CEMIP: variants seen among roughly 807,000 people sequenced by gnomAD.
The protein encoded by CEMIP is cell migration inducing hyaluronidase 1.
Under a neutral mutation model 156.9 loss-of-function variants are expected in CEMIP, and 105 were observed. The ratio of observed to expected loss-of-function variants is 0.67; its 90% CI spans 0.57 to 0.79. The LOEUF is 0.79. Among genes scored for constraint, CEMIP ranks in the 30% least tolerant of loss-of-function variants. The pLI is 0.00. For missense variants in CEMIP, 1,457 were observed against 1,769.4 expected, an observed-to-expected ratio of 0.82 and a Z score of 3.17; for synonymous variants, 676 against 668.4, an observed-to-expected ratio of 1.01 and a Z score of -0.17.
chr15:80,808,101 A>G (rs771835511), intron 1 of CEMIP, among the ~76,000 whole-genome samples: 1 of 152,232 alleles, frequency 6.6e-6, no homozygotes, highest in Non-Finnish European at 1.5e-5. Flanking sequence ...CACTCTTAGT[A>G]ACCCTTTGAA....
At chr15:80,876,357 C>G (rs1333211194) in intron 3 of CEMIP, among the ~76,000 whole-genome samples, 1 of 152,184 alleles carries the variant, frequency 6.6e-6, no homozygotes, top group African/African-American at 2.4e-5. Flanking sequence ...CGCAGAGAGC[C>G]CACCCCACCA....
intron 1 of CEMIP, among the ~76,000 whole-genome samples, chr15:80,865,580 C>T (rs1252143694): frequency 2.6e-5 from 4 of 151,924 alleles, no homozygotes; most frequent in African/African-American, 7.3e-5. Context: ...GCAGCCATGT[C>T]CAGCCCTTTG....
chr15:80,932,004 A>T lies in CEMIP; in HGVS notation c.2758A>T (p.Asn920Tyr). The T allele has an allele frequency of 1.2e-6, 2 of 1,614,070 alleles. No homozygotes were observed. Among genetic ancestry groups the T allele is most frequent in the Non-Finnish European group, 1.7e-6 (2 of 1,180,020 alleles). The change falls in exon 22 of 30, where the codon AAC becomes TAC. Residue 920 changes from asparagine (N) to tyrosine (Y), a missense_variant. By Grantham distance (143) the Asn-to-Tyr change is moderately radical. This residue lies in a region of CEMIP where 798 missense variants were observed against 980.1 expected (regional missense o/e 0.81). Transcript: ENST00000394685. The surrounding 1 kb of genome is among the most constrained non-coding windows in gnomAD (Gnocchi z 4.5). ...TAATGCCTGGCAGAGCTGCCCCCAT[A>T]ACAACGTGACCGGCATTGCCTTTGA... is the stretch of plus-strand genomic sequence containing the variant. ...LNNAWQSCPH[N>Y]NVTGIAFEDV...
At chr15:80,934,740 A>C (rs1380772570) in intron 23 of CEMIP, among the ~76,000 whole-genome samples, 1 of 152,150 alleles carries the variant, frequency 6.6e-6, no homozygotes, top group Non-Finnish European at 1.5e-5. Flanking sequence ...AAGAGGGCAC[A>C]GGGTGCAGCT....
chr15:80,804,742 C>T (rs1429398574), intron 1 of CEMIP, among the ~76,000 whole-genome samples: 1 of 152,168 alleles, frequency 6.6e-6, no homozygotes, highest in Non-Finnish European at 1.5e-5. Flanking sequence ...TCACAGCAAA[C>T]TCATCTTCTT....
chr15:80,833,070 T>C (rs1476271393), intron 1 of CEMIP, among the ~76,000 whole-genome samples: 1 of 152,226 alleles, frequency 6.6e-6, no homozygotes, highest in East Asian at 1.9e-4. Flanking sequence ...GAAGTTACAC[T>C]TCTGCTCCAT....
chr15:80,946,861 A>G, intron 28 of CEMIP, 104 bp from the exon 29 acceptor site: 1 of 763,138 alleles, frequency 1.3e-6, no homozygotes, highest in South Asian at 1.5e-5. Context: ...GCCTCTGGGC[A>G]CTGCTAACTC....
chr15:80,788,841 G>A (rs577978482), intron 1 of CEMIP, among the ~76,000 whole-genome samples: 17 of 151,944 alleles, frequency 1.1e-4, no homozygotes, highest in African/African-American at 3.9e-4. Context: ...CCATGCTCAC[G>A]GCCAGACGAC....
intron 1 of CEMIP, among the ~76,000 whole-genome samples, chr15:80,783,817 C>T (rs58431407): frequency 0.044 from 6,659 of 152,256 alleles, 161 homozygotes; most frequent in Non-Finnish European, 0.053. Context: ...TTCTTCAGAA[C>T]GGAGGCTGCT....
At chr15:80,809,521 T>C (rs763783516) in intron 1 of CEMIP, among the ~76,000 whole-genome samples, 1 of 152,256 alleles carries the variant, frequency 6.6e-6, no homozygotes, top group Non-Finnish European at 1.5e-5. Context: ...GTTAATTTCA[T>C]GGTACTACAT....
chr15:80,787,048 C>T (rs1219397663), intron 1 of CEMIP, among the ~76,000 whole-genome samples: 4 of 152,142 alleles, frequency 2.6e-5, no homozygotes, highest in Non-Finnish European at 4.4e-5. Context: ...GCTGCAGAGG[C>T]GCAGGGTTGC....
At chr15:80,892,292 C>G (rs1470207644) in intron 10 of CEMIP, among the ~76,000 whole-genome samples, 2 of 152,154 alleles carry the variant, frequency 1.3e-5, no homozygotes, top group African/African-American at 4.8e-5. Flanking sequence ...GAGGAAGCAG[C>G]AAGACTGCAC....
chr15:80,925,202 G>T (rs1326814438), intron 18 of CEMIP, among the ~76,000 whole-genome samples: 2 of 152,202 alleles, frequency 1.3e-5, no homozygotes, highest in South Asian at 4.1e-4. Flanking sequence ...GGTAACACTG[G>T]TAACATGATA....
chr15:80,871,218 C>A (rs1334732675), intron 1 of CEMIP, among the ~76,000 whole-genome samples: 1 of 152,142 alleles, frequency 6.6e-6, no homozygotes, highest in African/African-American at 2.4e-5. Flanking sequence ...GCACTGGAAG[C>A]CACTCACGGA....
chr15:80,924,501 G>C, intron 17 of CEMIP, 120 bp from the exon 18 acceptor site: 1 of 836,668 alleles, frequency 1.2e-6, no homozygotes, highest in South Asian at 1.4e-5. Context: ...TGTTGATGCA[G>C]CCTGAGAACA....
intron 1 of CEMIP, among the ~76,000 whole-genome samples, chr15:80,872,187 G>T (rs1166269439): frequency 7.9e-5 from 12 of 152,240 alleles, no homozygotes; most frequent in Admixed American, 7.9e-4. Context: ...AAAGGGAGGA[G>T]CCTGGGCCGG....
At chr15:80,892,705 GAC>G (rs1899071968) in intron 10 of CEMIP, among the ~76,000 whole-genome samples, 6 of 152,200 alleles carry the variant, frequency 3.9e-5, no homozygotes, top group Non-Finnish European at 7.3e-5. Flanking sequence ...GCACTTGCAT[GAC>G]CCTAAGAGTG....
At chr15:80,924,580 C>A in intron 17 of CEMIP, 41 bp from the exon 18 acceptor site, 1 of 1,565,628 alleles carries the variant, frequency 6.4e-7, no homozygotes. Context: ...CTGTAGCCCA[C>A]AGTAGAAACT....
chr15:80,899,780 A>T (rs1480405701), intron 12 of CEMIP, among the ~76,000 whole-genome samples: 2 of 152,112 alleles, frequency 1.3e-5, no homozygotes, highest in African/African-American at 4.8e-5. Context: ...TATAGGAGGG[A>T]GCCAAGAAAA....
Sources: allele counts gnomAD v4.1 joint callset (sites outside exome capture counted in the v4.1 genomes callset), GRCh38; gene constraint gnomAD v4.1.1; regional missense constraint gnomAD v4.1.1; non-coding constraint Gnocchi (gnomAD v3.1); transcripts MANE v1.5; gene names NCBI Gene and HGNC (gene_info 2026-07-23, HGNC 2026-07-21).